The following HIRA variants were observed in gnomAD, a reference collection of about 807,000 sequenced individuals.
The protein encoded by HIRA is protein HIRA.
HIRA carries 13 observed loss-of-function variants against 126.6 expected under a neutral mutation model. The observed-to-expected ratio is 0.10, with a 90% CI of 0.07 to 0.16. HIRA has a LOEUF of 0.16. Among genes scored for constraint, HIRA ranks in the 10% least tolerant of loss-of-function variants. The probability of loss-of-function intolerance (pLI) is 1.00; values close to 1 mark genes in which losing one functional copy is unlikely to be tolerated. For missense variants in HIRA, 834 were observed against 1,314.4 expected (o/e 0.63, Z 5.65); for synonymous variants, 511 against 520.0 (o/e 0.98, Z 0.24).
rs1556012526 is a variant in HIRA, at chr22:19,356,272, C to T, written c.2413G>A (p.Val805Met). The T allele has an allele frequency of 6.2e-7, 1 of 1,614,108 alleles. No homozygotes were observed. The highest frequency in any genetic ancestry group is 8.5e-7 in the Non-Finnish European group (1 of 1,179,962). ...TLSVWDVHRQ[V>M]VVVKEESLHS... ...AGAGACTCTTCTTTCACCACAACCA[C>T]CTGTCTGTGAACATCCCTAGGAGGG... is the stretch of plus-strand genomic sequence containing the variant. Residue 805 changes from valine to methionine, a missense_variant, in exon 20 of 25, where the codon GTG (valine) becomes ATG (methionine). Coordinates refer to ENST00000263208, the MANE Select transcript of HIRA (RefSeq NM_003325.4).
chr22:19,350,915 C>A (rs1360405989), intron 24 of HIRA, among the ~76,000 whole-genome samples: 3 of 152,138 alleles, frequency 2.0e-5, no homozygotes, highest in Non-Finnish European at 4.4e-5. Context: ...TCTCACAAGG[C>A]CTTCCTGGTC....
At chr22:19,370,702 A>G (rs1301811417) in intron 15 of HIRA, among the ~76,000 whole-genome samples, 1 of 152,216 alleles carries the variant, frequency 6.6e-6, no homozygotes, top group Admixed American at 6.5e-5. Flanking sequence ...TAAGGATCCA[A>G]CCCAACCTGA....
At chr22:19,388,661 A>C (rs1601837656) in intron 9 of HIRA, 107 bp from the exon 10 acceptor site, 2 of 811,640 alleles carry the variant, frequency 2.5e-6, no homozygotes, top group African/African-American at 3.4e-5. Context: ...GTGGCTGCTG[A>C]TATTTAAGGC....
At position 19,351,230 on chromosome 22, in the gene HIRA, G is replaced by C. The variant is rs2088754198; in HGVS notation, c.2937+128C>G. The C allele has an allele frequency of 7.1e-7, 1 of 1,414,436 alleles. No homozygotes were observed. The allele number at this position is 1,414,436 out of a possible 1,614,324, so 87.6% of individuals were successfully genotyped here. A position where few individuals can be genotyped will look rare whatever the true frequency, so the allele number is the denominator to read the frequency against. ...GCATGTCACCCTCTCACTGATGCTG[G>C]GACCTGAGGCTGGGTGCTGGAGAAG... On this transcript the variant is annotated intron_variant, in intron 24 of 24. Coordinates refer to ENST00000263208, the MANE Select transcript of HIRA (RefSeq NM_003325.4). The surrounding 1 kb of genome is among the most constrained non-coding windows in gnomAD (Gnocchi z 4.8).
At chr22:19,416,161 C>T (rs923958474) in intron 1 of HIRA, among the ~76,000 whole-genome samples, 25 of 152,156 alleles carry the variant, frequency 1.6e-4, no homozygotes, top group Non-Finnish European at 2.9e-4. Context: ...AATGGTGCTG[C>T]GAAAACTGCA....
chr22:19,431,012 T>C (rs1276071937), intron 1 of HIRA, among the ~76,000 whole-genome samples: 1 of 152,178 alleles, frequency 6.6e-6, no homozygotes, highest in East Asian at 1.9e-4. Context: ...TAACAGTCCC[T>C]CTTGCAGATT....
intron 1 of HIRA, among the ~76,000 whole-genome samples, chr22:19,427,814 C>G (rs540162871): frequency 6.6e-6 from 1 of 152,272 alleles, no homozygotes; most frequent in African/African-American, 2.4e-5. Flanking sequence ...TGAATCTCAA[C>G]GAGATTTTCT....
intron 1 of HIRA, among the ~76,000 whole-genome samples, chr22:19,426,216 G>A (rs1330035927): frequency 2.0e-5 from 3 of 151,940 alleles, no homozygotes; most frequent in African/African-American, 7.2e-5. Context: ...ACTCCTCTAG[G>A]GCCTGCCTAA....
At chr22:19,366,733 C>T (rs1286316378) in intron 15 of HIRA, among the ~76,000 whole-genome samples, 1 of 152,156 alleles carries the variant, frequency 6.6e-6, no homozygotes, top group Non-Finnish European at 1.5e-5. Flanking sequence ...GGTGAAGATG[C>T]TGTGCATATT....
chr22:19,412,230 T>C (rs1185028770), intron 1 of HIRA, among the ~76,000 whole-genome samples: 1 of 152,126 alleles, frequency 6.6e-6, no homozygotes, highest in African/African-American at 2.4e-5. Flanking sequence ...AGGCCCAAGC[T>C]GGCCACATGT....
At chr22:19,355,349 G>A (rs372260035) in intron 21 of HIRA, among the ~76,000 whole-genome samples, 7 of 152,156 alleles carry the variant, frequency 4.6e-5, no homozygotes, top group African/African-American at 1.7e-4. Flanking sequence ...CTGGGTAAGT[G>A]GATAAGCATC....
chr22:19,351,384 C>T lies in HIRA; in HGVS notation c.2911G>A (p.Gly971Arg), dbSNP rs1388844561. Residue 971 changes from glycine to arginine, a missense_variant, in exon 24 of 25, where the codon GGA (glycine) becomes AGA (arginine). By Grantham distance (125) the Gly-to-Arg change is moderately radical (BLOSUM62 -2). Transcript: ENST00000263208. The surrounding 1 kb of genome is among the most constrained non-coding windows in gnomAD (Gnocchi z 4.8). ...DLLGPVHYST[G>R]SQWESTVVGL... is the part of the protein sequence containing the mutation. The stretch of plus-strand genomic sequence containing the variant: ...ACTACTGTTGACTCCCACTGGCTTC[C>T]AGTGGAGTAGTGAACCGGACCCAGT... 1 of 1,613,194 alleles carries T rather than the reference C, an allele frequency of 6.2e-7. No individual in the cohort carries two copies. Among genetic ancestry groups the T allele is most frequent in the Non-Finnish European group, 8.5e-7 (1 of 1,179,514 alleles).
intron 15 of HIRA, among the ~76,000 whole-genome samples, chr22:19,366,865 A>T (rs1204430317): frequency 1.3e-5 from 2 of 152,102 alleles, no homozygotes; most frequent in Non-Finnish European, 2.9e-5. Context: ...GGCTCAAGGG[A>T]TTCTCATACC....
intron 24 of HIRA, among the ~76,000 whole-genome samples, chr22:19,338,133 C>T (rs191947627): frequency 1.3e-5 from 2 of 152,162 alleles, no homozygotes; most frequent in African/African-American, 4.8e-5. Flanking sequence ...CAGCAGATAC[C>T]CTACAAGCCA....
At chr22:19,372,246 T>C (rs985007840) in intron 15 of HIRA, among the ~76,000 whole-genome samples, 6 of 152,224 alleles carry the variant, frequency 3.9e-5, no homozygotes, top group Non-Finnish European at 5.9e-5. Flanking sequence ...CCAACACTTA[T>C]TATCTGACTA....
At position 19,392,083 on chromosome 22, in the gene HIRA, T is replaced by C; in HGVS notation, c.936+18A>G. On this transcript the variant is annotated intron_variant, in intron 9 of 24. Transcript: ENST00000263208. ...ACACCTCCCGTCCTGCAACAAAAGCTCAGGATAGCAGGCTCACCCAGACAG... is the reference window on the plus strand; with the variant it reads ...ACACCTCCCGTCCTGCAACAAAAGCCCAGGATAGCAGGCTCACCCAGACAG... The C allele has an allele frequency of 6.7e-7, 1 of 1,487,498 alleles. No homozygotes were observed. Among genetic ancestry groups the C allele is most frequent in the Non-Finnish European group, 9.3e-7 (1 of 1,078,044 alleles). 92.1% of individuals were successfully genotyped at this position (1,487,498 alleles called of 1,614,324 possible).
chr22:19,401,813 G>A (rs2089270824), intron 5 of HIRA, among the ~76,000 whole-genome samples: 1 of 152,092 alleles, frequency 6.6e-6, no homozygotes, highest in African/African-American at 2.4e-5. Flanking sequence ...TCCTTTACTA[G>A]TCTTCCCAGT....
In HIRA at chr22:19,351,524, A is replaced by C; in HGVS notation, c.2849-78T>G. On this transcript the variant is annotated intron_variant, in intron 23 of 24. Coordinates refer to ENST00000263208, the MANE Select transcript of HIRA (RefSeq NM_003325.4). This position sits in a 1 kb window ranked among gnomAD's most constrained non-coding sequence, Gnocchi z 4.8. The stretch of plus-strand genomic sequence containing the variant: ...GGAACACATTACAAAAAGAAATAAA[A>C]TCAAGAATATGTTGTTGTGTCTATC... 1 of 1,089,988 alleles carries C rather than the reference A, an allele frequency of 9.2e-7. No individual in the cohort carries two copies. The highest frequency in any genetic ancestry group is 1.4e-6 in the Non-Finnish European group (1 of 724,190). The allele number at this position is 1,089,988 out of a possible 1,614,324, so 67.5% of individuals were successfully genotyped here.
rs113411080 is a variant in HIRA at position 19,339,181 on chromosome 22, A to T, written c.2938-7625T>A. Among the ~76,000 whole-genome samples, 357 of 152,342 alleles carry T rather than the reference A, an allele frequency of 2.3e-3. 2 individuals are homozygous for T. The highest frequency in any genetic ancestry group is 5.5e-3 in the African/African-American group (228 of 41,572). On this transcript the variant is annotated intron_variant, in intron 24 of 24. Transcript: ENST00000263208. ...AAAACTATACAAATACATGGAAATT[A>T]AAAAATATGCTCCTGAATGATCTTT...
Sources: gnomAD v4.1 joint callset for allele counts (sites outside exome capture counted in the v4.1 genomes callset) on GRCh38, gnomAD v4.1.1 for gene constraint, Gnocchi (gnomAD v3.1) non-coding constraint, MANE v1.5 for transcripts, NCBI Gene and HGNC (gene_info 2026-07-23, HGNC 2026-07-21) for gene names.